The following SPRED1 variants were observed in gnomAD, a reference collection of about 807,000 sequenced individuals.
SPRED1 encodes the protein sprouty-related, EVH1 domain-containing protein 1.
SPRED1 carries 18 observed loss-of-function variants against 52.3 expected under a neutral mutation model. The observed-to-expected ratio is 0.34, with a 90% CI of 0.24 to 0.51. SPRED1 has a LOEUF of 0.51. Among genes scored for constraint, SPRED1 ranks in the 20% least tolerant of loss-of-function variants. The probability of loss-of-function intolerance (pLI) is 0.97; values close to 1 mark genes in which losing one functional copy is unlikely to be tolerated. For synonymous variants in SPRED1, 155 were observed against 179.7 expected, an observed-to-expected ratio of 0.86 and a Z score of 1.10; for missense variants, 485 against 551.0, an observed-to-expected ratio of 0.88 and a Z score of 1.20.
chr15:38,311,958 G>A (rs891567244), intron 2 of SPRED1, among the ~76,000 whole-genome samples: 5 of 151,884 alleles, frequency 3.3e-5, no homozygotes, highest in Non-Finnish European at 5.9e-5. Flanking sequence ...AGTCTCTGGA[G>A]GTAGGAACTT....
chr15:38,342,340 C>T (rs1346318248), intron 5 of SPRED1, among the ~76,000 whole-genome samples: 2 of 151,958 alleles, frequency 1.3e-5, no homozygotes, highest in Non-Finnish European at 2.9e-5. Context: ...ATGCACATAT[C>T]TACAGTATCT....
chr15:38,340,692 G>C (rs773399917), intron 5 of SPRED1, among the ~76,000 whole-genome samples: 2 of 151,868 alleles, frequency 1.3e-5, no homozygotes, highest in African/African-American at 4.8e-5. Flanking sequence ...GCCACCACAC[G>C]TGGCTAATTT....
At chr15:38,300,340 G>A (rs145968949) in intron 2 of SPRED1, among the ~76,000 whole-genome samples, 6 of 152,168 alleles carry the variant, frequency 3.9e-5, no homozygotes, top group Admixed American at 1.3e-4. Context: ...ACACTTAGAC[G>A]CAAAATAAAA....
chr15:38,288,704 G>A (rs1240849471), intron 1 of SPRED1, among the ~76,000 whole-genome samples: 3 of 152,120 alleles, frequency 2.0e-5, no homozygotes, highest in Non-Finnish European at 4.4e-5. Flanking sequence ...GGTCAGAGAG[G>A]TATAGCCTTC....
intron 4 of SPRED1, among the ~76,000 whole-genome samples, chr15:38,332,880 C>G (rs1396320630): frequency 6.6e-6 from 1 of 152,194 alleles, no homozygotes; most frequent in East Asian, 1.9e-4. Flanking sequence ...GAAGTCCACT[C>G]AAGGCACAGA....
intron 4 of SPRED1, among the ~76,000 whole-genome samples, chr15:38,330,738 G>T (rs1010695585): frequency 7.9e-5 from 12 of 152,018 alleles, no homozygotes; most frequent in African/African-American, 1.4e-4. Flanking sequence ...ACTTATTTTA[G>T]TAGTATATGA....
intron 2 of SPRED1, among the ~76,000 whole-genome samples, chr15:38,321,784 G>A (rs556802199): frequency 1.3e-5 from 2 of 152,118 alleles, no homozygotes; most frequent in East Asian, 1.9e-4. Context: ...TAGTAGAGAT[G>A]GGGTTTCACC....
At chr15:38,317,117 A>G (rs1895505235) in intron 2 of SPRED1, among the ~76,000 whole-genome samples, 1 of 151,928 alleles carries the variant, frequency 6.6e-6, no homozygotes, top group Admixed American at 6.6e-5. Context: ...TCCTTCATTA[A>G]TACGATGGGG....
Position 38,354,084 on chromosome 15 carries a change from T to C in SPRED1, c.*2420T>C, listed in dbSNP as rs184024152. ...TTATTTTACCTTGGATCTTTATAGT[T>C]AACATACCCAGTTTCTTAATCAGTC... On this transcript the variant is annotated 3_prime_UTR_variant, in exon 7 of 7. Coordinates refer to ENST00000299084, the MANE Select transcript of SPRED1 (RefSeq NM_152594.3). 114 of 152,738 alleles carry C rather than the reference T, an allele frequency of 7.5e-4. 2 individuals are homozygous for C. Among genetic ancestry groups the C allele is most frequent in the East Asian group, 1.3e-3 (7 of 5,186 alleles). 9.5% of individuals were successfully genotyped at this position (152,738 alleles called of 1,614,324 possible). A position where few individuals can be genotyped will look rare whatever the true frequency, so the allele number is the denominator to read the frequency against.
chr15:38,284,460 A>T (rs1039415192), intron 1 of SPRED1, among the ~76,000 whole-genome samples: 1 of 152,142 alleles, frequency 6.6e-6, no homozygotes, highest in Admixed American at 6.5e-5. Context: ...GCCATATATG[A>T]TAACATGTTT....
intron 2 of SPRED1, among the ~76,000 whole-genome samples, chr15:38,314,366 A>G (rs1028069612): frequency 2.0e-5 from 3 of 151,860 alleles, no homozygotes; most frequent in African/African-American, 7.2e-5. Flanking sequence ...TTATATTTCT[A>G]CTAAGTGAAC....
intron 1 of SPRED1, among the ~76,000 whole-genome samples, chr15:38,292,291 T>C (rs544094703): frequency 2.6e-5 from 4 of 152,284 alleles, no homozygotes; most frequent in African/African-American, 7.2e-5. Flanking sequence ...TCAAAGCCAT[T>C]CTCCCACATT....
At chr15:38,325,069 C>T (rs933920267) in intron 4 of SPRED1, among the ~76,000 whole-genome samples, 3 of 152,102 alleles carry the variant, frequency 2.0e-5, no homozygotes, top group African/African-American at 7.2e-5. Flanking sequence ...AACTCCTGGG[C>T]TGAAGCAACC....
At chr15:38,300,944 C>G (rs577793907) in intron 2 of SPRED1, among the ~76,000 whole-genome samples, 1 of 151,842 alleles carries the variant, frequency 6.6e-6, no homozygotes, top group South Asian at 2.1e-4. Flanking sequence ...TTTTAGAAAC[C>G]GAGTAAAATG....
At chr15:38,325,708 A>G (rs1361292884) in intron 4 of SPRED1, among the ~76,000 whole-genome samples, 1 of 151,396 alleles carries the variant, frequency 6.6e-6, no homozygotes, top group Non-Finnish European at 1.5e-5. Flanking sequence ...GTGGTGAGGA[A>G]CTGAAGCGTT....
intron 5 of SPRED1, among the ~76,000 whole-genome samples, chr15:38,346,762 A>G (rs762177305): frequency 2.0e-5 from 3 of 152,184 alleles, no homozygotes; most frequent in African/African-American, 4.8e-5. Flanking sequence ...TGGAGTGTTC[A>G]GGAGTGGACT....
At chr15:38,335,223 TCTC>T (rs1895888389) in intron 4 of SPRED1, among the ~76,000 whole-genome samples, 1 of 152,062 alleles carries the variant, frequency 6.6e-6, no homozygotes, top group Non-Finnish European at 1.5e-5. Context: ...TAATACTTAT[TCTC>T]CTCCCTGTCC....
chr15:38,310,233 C>T (rs186794877), intron 2 of SPRED1, among the ~76,000 whole-genome samples: 1 of 151,792 alleles, frequency 6.6e-6, no homozygotes, highest in Admixed American at 6.6e-5. Flanking sequence ...CTCTGCCTCC[C>T]AGGTTCAAGC....
At chr15:38,257,149 C>G (rs1172066689) in intron 1 of SPRED1, among the ~76,000 whole-genome samples, 2 of 152,160 alleles carry the variant, frequency 1.3e-5, no homozygotes, top group African/African-American at 4.8e-5. Flanking sequence ...CTCTCTTCCC[C>G]TCTTTCAACA....
Sources: gnomAD v4.1 joint callset for allele counts (sites outside exome capture counted in the v4.1 genomes callset) on GRCh38, gnomAD v4.1.1 for gene constraint, MANE v1.5 for transcripts, NCBI Gene and HGNC (gene_info 2026-07-23, HGNC 2026-07-21) for gene names.